Variants in TENM3 observed in about 807,000 individuals in gnomAD.
TENM3 encodes the protein teneurin-3.
TENM3 carries 63 observed loss-of-function variants against 255.1 expected under a neutral mutation model. That is an observed-to-expected ratio of 0.25 (90% CI 0.20 to 0.30). The LOEUF is 0.30. TENM3 is among the 10% of genes least tolerant of loss of function. TENM3 has a pLI of 1.00. For synonymous variants in TENM3, 1,306 were observed against 1,322.3 expected, an observed-to-expected ratio of 0.99 and a Z score of 0.27; for missense variants, 2,929 against 3,461.1, an observed-to-expected ratio of 0.85 and a Z score of 3.86.
chr4:181,814,572 A>G, the TENM3 span, among the ~76,000 whole-genome samples: 1 of 143,118 alleles, frequency 7.0e-6, no homozygotes, highest in African/African-American at 2.7e-5. Flanking sequence ...TTTACAACAC[A>G]TATATTTTTA....
At chr4:181,937,459 A>G in the TENM3 span, among the ~76,000 whole-genome samples, 21 of 152,350 alleles carry the variant, frequency 1.4e-4, no homozygotes, top group African/African-American at 3.8e-4. Context: ...TAGCTTAGCC[A>G]TCGTAGGAAG....
chr4:182,592,711 TC>T (rs1258744982), intron 3 of TENM3, among the ~76,000 whole-genome samples: 8 of 75,334 alleles, frequency 1.1e-4, no homozygotes, highest in Admixed American at 5.1e-4. Context: ...CAAGACTGTG[TC>T]AAAAAAAAAA....
chr4:182,575,518 A>G (rs1348376878), intron 3 of TENM3, among the ~76,000 whole-genome samples: 1 of 152,178 alleles, frequency 6.6e-6, no homozygotes, highest in Admixed American at 6.5e-5. Context: ...CTTCTGGTTT[A>G]AAAAGAGACA....
intron 3 of TENM3, among the ~76,000 whole-genome samples, chr4:182,436,055 A>G (rs2151221143): frequency 6.6e-6 from 1 of 152,034 alleles, no homozygotes; most frequent in East Asian, 1.9e-4. Context: ...CACATTAACC[A>G]GAGGGGGCTG....
intron 5 of TENM3, among the ~76,000 whole-genome samples, chr4:182,638,033 A>T (rs967271441): frequency 6.7e-5 from 10 of 148,968 alleles, no homozygotes; most frequent in African/African-American, 1.2e-4. Flanking sequence ...TTAGGGGAAA[A>T]ATTTTTTTTT....
intron 3 of TENM3, among the ~76,000 whole-genome samples, chr4:182,475,225 C>T (rs1733558983): frequency 6.6e-6 from 1 of 152,156 alleles, no homozygotes; most frequent in African/African-American, 2.4e-5. Flanking sequence ...CATATTAGAA[C>T]GGAAGACTGT....
intron 3 of TENM3, among the ~76,000 whole-genome samples, chr4:182,419,238 A>ACTTCT (rs1770613910): frequency 6.6e-6 from 1 of 152,214 alleles, no homozygotes; most frequent in Admixed American, 6.5e-5. Context: ...TCAAAAGAAG[A>ACTTCT]CATTTATGCA....
chr4:181,747,484 A>G, the TENM3 span, among the ~76,000 whole-genome samples: 2 of 152,164 alleles, frequency 1.3e-5, no homozygotes, highest in South Asian at 4.1e-4. Flanking sequence ...TATCATATCC[A>G]AGAAGGCCAT....
At chr4:182,264,779 G>T (rs1306958436) in intron 1 of TENM3, among the ~76,000 whole-genome samples, 2 of 152,210 alleles carry the variant, frequency 1.3e-5, no homozygotes, top group African/African-American at 4.8e-5. Context: ...CATGGCTAAA[G>T]TTGGGTAATA....
the TENM3 span, among the ~76,000 whole-genome samples, chr4:181,791,555 A>G: frequency 3.9e-5 from 6 of 152,218 alleles, no homozygotes; most frequent in South Asian, 1.2e-3. Flanking sequence ...ATATAAGAAT[A>G]AAAGTAATTG....
At chr4:182,654,420 G>C (rs1753582992) in intron 6 of TENM3, among the ~76,000 whole-genome samples, 1 of 152,072 alleles carries the variant, frequency 6.6e-6, no homozygotes, top group African/African-American at 2.4e-5. Context: ...ATTAAAAATG[G>C]AATTTAAGTA....
chr4:181,972,372 G>A, the TENM3 span, among the ~76,000 whole-genome samples: 1 of 145,740 alleles, frequency 6.9e-6, no homozygotes, highest in African/African-American at 2.6e-5. Context: ...TGCAGTCAAG[G>A]CAAGTCAAGG....
chr4:182,132,516 A>T, the TENM3 span, among the ~76,000 whole-genome samples: 1 of 152,168 alleles, frequency 6.6e-6, no homozygotes, highest in Admixed American at 6.6e-5. Context: ...TATTAGGAGC[A>T]ATTTTCCTGT....
chr4:182,665,206 G>A (rs1754563601), intron 6 of TENM3, among the ~76,000 whole-genome samples: 2 of 152,136 alleles, frequency 1.3e-5, no homozygotes, highest in South Asian at 4.1e-4. Flanking sequence ...TAGAATCCTA[G>A]GGCCCTTAAG....
Position 182,680,583 on chromosome 4 carries a change from C to T in TENM3, c.1680C>T (p.Ser560=). Residue 560 remains serine, a synonymous_variant, in exon 10 of 28, where the codon TCC becomes TCT. Transcript: ENST00000511685. The stretch of plus-strand genomic sequence containing the variant: ...TATGTAGTGGCAACGGGCAGTACTC[C>T]AAGGGCCGCTGCCTGTGTTTCAGCG... ...PVLCSGNGQY[S]KGRCLCFSGW... 5 of 1,613,774 alleles carry T rather than the reference C, an allele frequency of 3.1e-6. No individual in the cohort carries two copies. Among genetic ancestry groups the T allele is most frequent in the Non-Finnish European group, 4.2e-6 (5 of 1,179,842 alleles).
chr4:181,963,061 T>C, the TENM3 span, among the ~76,000 whole-genome samples: 2 of 152,200 alleles, frequency 1.3e-5, no homozygotes, highest in African/African-American at 4.8e-5. Flanking sequence ...TACTTTGACA[T>C]AGATTGTGAG....
chr4:182,362,652 A>G (rs113465467), intron 3 of TENM3, among the ~76,000 whole-genome samples: 9,072 of 152,122 alleles, frequency 0.06, 385 homozygotes, highest in Non-Finnish European at 0.086. Flanking sequence ...TAGGAAAGGG[A>G]ACTCCATGAC....
chr4:182,487,537 A>G (rs1227346985), intron 3 of TENM3, among the ~76,000 whole-genome samples: 1 of 152,168 alleles, frequency 6.6e-6, no homozygotes, highest in Non-Finnish European at 1.5e-5. Context: ...TAAGTATACC[A>G]CTGAAAATAA....
intron 22 of TENM3, among the ~76,000 whole-genome samples, chr4:182,771,844 G>C (rs761165596): frequency 6.6e-6 from 1 of 152,148 alleles, no homozygotes; most frequent in Non-Finnish European, 1.5e-5. Flanking sequence ...CTTCAGCTCT[G>C]CCTTTTGTGA....
Sources: allele counts gnomAD v4.1 joint callset (sites outside exome capture counted in the v4.1 genomes callset), GRCh38; gene constraint gnomAD v4.1.1; transcripts MANE v1.5; gene names NCBI Gene and HGNC (gene_info 2026-07-23, HGNC 2026-07-21).